The following EPHA5 variants were observed in gnomAD, a reference collection of about 807,000 sequenced individuals.
EPHA5 encodes EPH receptor A5.
Under a neutral mutation model 105.0 loss-of-function variants are expected in EPHA5, and 60 were observed. The ratio of observed to expected loss-of-function variants is 0.57; its 90% confidence interval spans 0.46 to 0.71. The LOEUF is 0.71. Ranked by LOEUF, EPHA5 falls within the 30% of genes least tolerant of loss-of-function variation. The pLI, the probability that EPHA5 is intolerant of heterozygous loss-of-function variation, is 0.00. For missense variants in EPHA5, 1,218 were observed against 1,274.7 expected (o/e 0.96, Z 0.68); for synonymous variants, 513 against 449.1 (o/e 1.14, Z -1.80).
intron 2 of EPHA5, among the ~76,000 whole-genome samples, chr4:65,624,995 C>T (rs1318524487): frequency 6.6e-6 from 1 of 152,128 alleles, no homozygotes; most frequent in Non-Finnish European, 1.5e-5. Flanking sequence ...ACAACAACCA[C>T]TTTAGAAAAA....
intron 2 of EPHA5, among the ~76,000 whole-genome samples, chr4:65,607,768 C>T (rs1045192182): frequency 2.0e-5 from 3 of 152,150 alleles, no homozygotes; most frequent in Admixed American, 2.0e-4. Context: ...GTGGAAAACA[C>T]TGTGGCAATT....
chr4:65,374,134 A>C (rs1718760704), intron 8 of EPHA5, among the ~76,000 whole-genome samples: 1 of 151,910 alleles, frequency 6.6e-6, no homozygotes. Flanking sequence ...TATGATTAGA[A>C]CGTTAAGTTG....
At chr4:65,448,410 G>C (rs1338700930) in intron 5 of EPHA5, among the ~76,000 whole-genome samples, 1 of 152,126 alleles carries the variant, frequency 6.6e-6, no homozygotes, top group Non-Finnish European at 1.5e-5. Flanking sequence ...CACTTTGTGA[G>C]GCCGAGGAGG....
intron 2 of EPHA5, among the ~76,000 whole-genome samples, chr4:65,627,446 C>A (rs1746252315): frequency 6.6e-6 from 1 of 152,084 alleles, no homozygotes. Flanking sequence ...TGGCTTAACA[C>A]ATTTATTTTC....
At chr4:65,329,507 A>G (rs1720392736) in intron 16 of EPHA5, among the ~76,000 whole-genome samples, 1 of 151,472 alleles carries the variant, frequency 6.6e-6, no homozygotes. Context: ...GCCACAAATT[A>G]CAATGTAGTT....
At chr4:65,329,210 A>T (rs181147510) in intron 16 of EPHA5, among the ~76,000 whole-genome samples, 3 of 151,390 alleles carry the variant, frequency 2.0e-5, no homozygotes, top group Non-Finnish European at 4.4e-5. Flanking sequence ...TTACTGCCAC[A>T]ATTGTTTTCA....
chr4:65,506,014 T>C (rs1396310017), intron 3 of EPHA5, among the ~76,000 whole-genome samples: 1 of 152,002 alleles, frequency 6.6e-6, no homozygotes, highest in Non-Finnish European at 1.5e-5. Context: ...GCCCACCCCA[T>C]AACAGGCCCC....
intron 8 of EPHA5, among the ~76,000 whole-genome samples, chr4:65,382,364 T>C (rs1317225667): frequency 6.6e-6 from 1 of 151,718 alleles, no homozygotes; most frequent in Non-Finnish European, 1.5e-5. Flanking sequence ...CCAGAGATCA[T>C]TATAAAACAT....
rs1750277951 is a variant in EPHA5 at position 65,669,599 on chromosome 4, G to T, written c.144C>A (p.Ala48=). The T allele has an allele frequency of 2.1e-6, 3 of 1,434,172 alleles. No homozygotes were observed. Among genetic ancestry groups the T allele is most frequent in the South Asian group, 3.2e-5 (2 of 61,768 alleles). The allele number at this position is 1,434,172 out of a possible 1,614,324, so 88.8% of individuals were successfully genotyped here. The change falls in exon 1 of 17, where the codon GCC becomes GCA. Residue 48 remains alanine (A), a synonymous_variant. Coordinates refer to ENST00000613740, the MANE Select transcript of EPHA5 (RefSeq NM_001281766.3). ...GGCTGGCCAGGAGGGTCCGGAGTGC[G>T]GCGCACAGGAGAAGGCACGTCCAGA... is the stretch of plus-strand genomic sequence containing the variant. ...APLWTCLLLC[A]ALRTLLASPS... is the part of the protein sequence containing the mutation.
intron 3 of EPHA5, among the ~76,000 whole-genome samples, chr4:65,561,334 G>T (rs1192939232): frequency 6.6e-6 from 1 of 151,972 alleles, no homozygotes; most frequent in East Asian, 1.9e-4. Flanking sequence ...TACGCAATCT[G>T]CCAGAAGCAA....
At chr4:65,534,723 G>A (rs1292952641) in intron 3 of EPHA5, among the ~76,000 whole-genome samples, 1 of 152,122 alleles carries the variant, frequency 6.6e-6, no homozygotes, top group African/African-American at 2.4e-5. Context: ...GAGAAGTATG[G>A]ATCTCATTAT....
At chr4:65,563,537 A>G (rs928271664) in intron 3 of EPHA5, among the ~76,000 whole-genome samples, 1 of 152,024 alleles carries the variant, frequency 6.6e-6, no homozygotes, top group Non-Finnish European at 1.5e-5. Flanking sequence ...TTAGAACTTT[A>G]AAAATTAAAT....
In EPHA5 at chr4:65,349,729, G is replaced by A. The variant is rs530289371; in HGVS notation, c.2446-1526C>T. On this transcript the variant is annotated intron_variant, in intron 13 of 16. Transcript: ENST00000613740. ...TAGATATATGGTAACATCATTTGAA[G>A]AAGACTTACCTGAAACTTATTCTCA... Among the ~76,000 whole-genome samples the A allele has an allele frequency of 1.4e-4, 22 of 152,220 alleles. No individual in the cohort carries two copies. In the South Asian group the frequency reaches 1.7e-3, roughly 12 times the overall value.
chr4:65,643,083 A>G (rs1747809032), intron 2 of EPHA5, among the ~76,000 whole-genome samples: 1 of 152,046 alleles, frequency 6.6e-6, no homozygotes, highest in South Asian at 2.1e-4. Context: ...TGTTGTTTTA[A>G]TGTGAACTTT....
intron 3 of EPHA5, among the ~76,000 whole-genome samples, chr4:65,557,128 A>C (rs1026105111): frequency 6.6e-6 from 1 of 150,934 alleles, no homozygotes; most frequent in African/African-American, 2.4e-5. Context: ...GGAATATTCT[A>C]GACTTGATTA....
chr4:65,576,812 T>C (rs181150648), intron 3 of EPHA5, among the ~76,000 whole-genome samples: 116 of 152,316 alleles, frequency 7.6e-4, no homozygotes, highest in African/African-American at 2.3e-3. Context: ...TAGACACATA[T>C]GAAAAGTTCA....
intron 8 of EPHA5, among the ~76,000 whole-genome samples, chr4:65,398,073 T>C (rs563667226): frequency 6.6e-6 from 1 of 152,230 alleles, no homozygotes; most frequent in South Asian, 2.1e-4. Context: ...CCCTCTTAAG[T>C]GCAGCTGCAG....
rs1016093583 is a variant in EPHA5, at chr4:65,405,282, C to T, written c.1688-803G>A. 2.3e-3 allele frequency among the ~76,000 whole-genome samples: 14 copies of T among 6,188 alleles called. No homozygotes were observed. In the South Asian group the frequency reaches 0.21, roughly 95 times the overall value. The allele number at this position is 6,188 out of a possible 152,430, so 4.1% of individuals were successfully genotyped here. ...ATAACTAATCTTGATTAAAATAAAACGCCTTATAGGGCAAAATAAATTGTA... is the reference window on the plus strand; with the variant it reads ...ATAACTAATCTTGATTAAAATAAAATGCCTTATAGGGCAAAATAAATTGTA... On this transcript the variant is annotated intron_variant, in intron 7 of 16. Transcript: ENST00000613740.
At chr4:65,483,798 T>C (rs1730613858) in intron 5 of EPHA5, among the ~76,000 whole-genome samples, 1 of 152,140 alleles carries the variant, frequency 6.6e-6, no homozygotes, top group Non-Finnish European at 1.5e-5. Flanking sequence ...TAAGTGTATC[T>C]CAGTGGCCCC....
Sources: allele counts gnomAD v4.1 joint callset (sites outside exome capture counted in the v4.1 genomes callset), GRCh38; gene constraint gnomAD v4.1.1; transcripts MANE v1.5; gene names NCBI Gene and HGNC (gene_info 2026-07-23, HGNC 2026-07-21).